The following ALPK1 variants were observed in gnomAD, a reference collection of about 807,000 sequenced individuals.
ALPK1 encodes alpha kinase 1.
Under a neutral mutation model 120.6 loss-of-function variants are expected in ALPK1, and 110 were observed. The ratio of observed to expected loss-of-function variants is 0.91; its 90% CI spans 0.78 to 1.07. The LOEUF (loss-of-function observed/expected upper bound fraction) is 1.07, where lower values mean the gene tolerates loss of function less well. ALPK1 is among the 50% of genes least tolerant of loss of function. The pLI is 0.00. For missense variants in ALPK1, 1,498 were observed against 1,483.9 expected, an observed-to-expected ratio of 1.01 and a Z score of -0.16; for synonymous variants, 582 against 560.3, an observed-to-expected ratio of 1.04 and a Z score of -0.55.
rs183673176 is a variant in ALPK1 at position 112,340,084 on chromosome 4, T to C, written c.-101+24232T>C. The stretch of plus-strand genomic sequence containing the variant: ...TCACAGCACAGAAAGCAGTGGTTTA[T>C]GAGTCTGGGTATGGACAGACACACA... On this transcript the variant is annotated intron_variant, in intron 2 of 15. Transcript: ENST00000650871. Among the ~76,000 whole-genome samples, 42 of 152,342 alleles carry C rather than the reference T, an allele frequency of 2.8e-4. No homozygotes were observed. In the East Asian group the frequency reaches 7.7e-3, roughly 28 times the overall value.
intron 1 of ALPK1, among the ~76,000 whole-genome samples, chr4:112,308,404 T>C (rs1022552496): frequency 6.6e-6 from 1 of 152,146 alleles, no homozygotes; most frequent in Non-Finnish European, 1.5e-5. Flanking sequence ...ATAGATTTGG[T>C]CTTGTCACAT....
At chr4:112,385,142 G>A (rs548442798) in intron 4 of ALPK1, among the ~76,000 whole-genome samples, 18 of 152,254 alleles carry the variant, frequency 1.2e-4, no homozygotes, top group African/African-American at 4.1e-4. Flanking sequence ...CAGATCCCCT[G>A]AGCCCTGCAT....
chr4:112,351,828 A>T (rs1730372673), intron 2 of ALPK1, among the ~76,000 whole-genome samples: 1 of 152,234 alleles, frequency 6.6e-6, no homozygotes, highest in Non-Finnish European at 1.5e-5. Context: ...ATTTCCTGGC[A>T]ATCTAGTGTT....
intron 2 of ALPK1, among the ~76,000 whole-genome samples, chr4:112,319,783 G>A (rs978940751): frequency 7.2e-5 from 11 of 152,108 alleles, no homozygotes; most frequent in Non-Finnish European, 1.5e-4. Context: ...ATATTCCTAA[G>A]TAATTTATTT....
intron 8 of ALPK1, among the ~76,000 whole-genome samples, chr4:112,426,749 T>A (rs908292526): frequency 6.6e-6 from 1 of 152,216 alleles, no homozygotes; most frequent in Non-Finnish European, 1.5e-5. Context: ...GGTGCATAGA[T>A]GGTGTTCTTA....
intron 2 of ALPK1, among the ~76,000 whole-genome samples, chr4:112,360,824 A>T (rs996205103): frequency 6.6e-6 from 1 of 152,178 alleles, no homozygotes; most frequent in Non-Finnish European, 1.5e-5. Context: ...AACCAACTGT[A>T]TGTAAGTCCT....
chr4:112,309,121 AG>A (rs905183198), intron 1 of ALPK1, among the ~76,000 whole-genome samples: 1 of 152,100 alleles, frequency 6.6e-6, no homozygotes, highest in African/African-American at 2.4e-5. Context: ...TTCATCTCAG[AG>A]GGGTACCTGG....
intron 7 of ALPK1, 28 bp downstream of exon 7, chr4:112,425,779 C>T: frequency 1.3e-6 from 2 of 1,573,400 alleles, no homozygotes; most frequent in Non-Finnish European, 1.7e-6. Flanking sequence ...TTGCATTTCT[C>T]AAGGCTCATT....
intron 2 of ALPK1, among the ~76,000 whole-genome samples, chr4:112,374,759 G>C (rs1379700419): frequency 6.6e-6 from 1 of 152,194 alleles, no homozygotes; most frequent in Non-Finnish European, 1.5e-5. Context: ...CTCAATCAGA[G>C]CTCTTGAGTG....
Position 112,427,642 on chromosome 4 carries a change from A to T in ALPK1, c.772A>T (p.Lys258Ter). Residue 258 changes from lysine to a stop codon, truncating the protein, a stop_gained, in exon 9 of 16, where the codon AAA (lysine) becomes TAA (stop). Coordinates refer to ENST00000650871, the MANE Select transcript of ALPK1 (RefSeq NM_025144.4). LOFTEE classifies it high-confidence loss of function. ...GAGCAAGAACGATTATGAAAAGTTT[A>T]AAAACAATCCACAAATTAATTTGGT... ...SMSKNDYEKF[K>*]NNPQINLSLL... The T allele has an allele frequency of 6.2e-7, 1 of 1,613,458 alleles. No homozygotes were observed. Among genetic ancestry groups the T allele is most frequent in the Non-Finnish European group, 8.5e-7 (1 of 1,179,388 alleles).
At chr4:112,368,110 G>A (rs865824372) in intron 2 of ALPK1, among the ~76,000 whole-genome samples, 23 of 152,238 alleles carry the variant, frequency 1.5e-4, no homozygotes, top group African/African-American at 4.8e-4. Context: ...TAGAGACAGG[G>A]TCTTGCCATG....
In ALPK1 at chr4:112,430,679, G is replaced by A; in HGVS notation, c.1132G>A (p.Ala378Thr). Residue 378 changes from alanine (A) to threonine (T), a missense_variant, in exon 11 of 16, where the codon GCA becomes ACA. Coordinates refer to ENST00000650871, the MANE Select transcript of ALPK1 (RefSeq NM_025144.4). ...LHGETGTVHAASQLCKEAMGK... is the reference protein window; with the variant it reads ...LHGETGTVHATSQLCKEAMGK... ...TGGGGAGACAGGGACGGTCCATGCA[G>A]CAAGTCAGCTCTGTAAGGAAGCAAT... 2.5e-6 allele frequency: 4 copies of A among 1,614,194 alleles called. No individual in the cohort carries two copies. The highest frequency in any genetic ancestry group is 3.4e-6 in the Non-Finnish European group (4 of 1,180,030).
chr4:112,422,340 CT>C (rs1353474205), intron 5 of ALPK1, among the ~76,000 whole-genome samples: 1 of 152,172 alleles, frequency 6.6e-6, no homozygotes, highest in Non-Finnish European at 1.5e-5. Context: ...TGTACTTTAT[CT>C]TGGGTAACTA....
chr4:112,415,562 A>C (rs540435531), intron 5 of ALPK1, among the ~76,000 whole-genome samples: 3 of 152,036 alleles, frequency 2.0e-5, no homozygotes, highest in South Asian at 2.1e-4. Context: ...GCTTGAACCC[A>C]GAAGGCAGAG....
At chr4:112,304,000 T>A (rs1302546460) in intron 1 of ALPK1, among the ~76,000 whole-genome samples, 1 of 152,088 alleles carries the variant, frequency 6.6e-6, no homozygotes, top group East Asian at 1.9e-4. Context: ...ACATGGGGTG[T>A]TTGGTTTTTT....
intron 2 of ALPK1, among the ~76,000 whole-genome samples, chr4:112,349,904 C>A (rs1436496603): frequency 6.6e-6 from 1 of 152,144 alleles, no homozygotes; most frequent in African/African-American, 2.4e-5. Context: ...AGCAGAAATT[C>A]TCAAGTATCT....
At chr4:112,391,372 CA>C (rs1227548270) in intron 4 of ALPK1, among the ~76,000 whole-genome samples, 1 of 152,086 alleles carries the variant, frequency 6.6e-6, no homozygotes, top group Non-Finnish European at 1.5e-5. Flanking sequence ...CAACAATTGC[CA>C]AAACAATTTT....
intron 5 of ALPK1, among the ~76,000 whole-genome samples, chr4:112,415,513 C>T (rs1321629156): frequency 4.0e-5 from 6 of 151,800 alleles, no homozygotes; most frequent in African/African-American, 7.2e-5. Flanking sequence ...GGCAGGCGCA[C>T]GAAATCCCAG....
chr4:112,303,741 G>A (rs1727893790), intron 1 of ALPK1, among the ~76,000 whole-genome samples: 1 of 150,980 alleles, frequency 6.6e-6, no homozygotes, highest in Non-Finnish European at 1.5e-5. Context: ...CATACTTTAA[G>A]TTCTAGGGTA....
Sources: gnomAD v4.1 joint callset for allele counts (sites outside exome capture counted in the v4.1 genomes callset) on GRCh38, gnomAD v4.1.1 for gene constraint, MANE v1.5 for transcripts, NCBI Gene and HGNC (gene_info 2026-07-23, HGNC 2026-07-21) for gene names.